LYST: variants seen among roughly 807,000 people sequenced by gnomAD.
LYST encodes the protein lysosomal-trafficking regulator.
A neutral mutation model predicts 413.6 loss-of-function variants in LYST; 192 were observed. That is an observed-to-expected ratio of 0.46 (90% CI 0.41 to 0.52). The LOEUF is 0.52. Ranked by LOEUF, LYST falls within the 20% of genes least tolerant of loss-of-function variation. The pLI is 0.00. For missense variants in LYST, 3,815 were observed against 4,499.9 expected, an observed-to-expected ratio of 0.85 and a Z score of 4.35; for synonymous variants, 1,525 against 1,567.3, an observed-to-expected ratio of 0.97 and a Z score of 0.64.
At chr1:235,716,091 A>G (rs1192564400) in intron 41 of LYST, among the ~76,000 whole-genome samples, 2 of 152,206 alleles carry the variant, frequency 1.3e-5, no homozygotes, top group Non-Finnish European at 2.9e-5. Context: ...TGACAGTCAT[A>G]AGATGCTTAG....
chr1:235,777,961 C>A (rs559206402), intron 16 of LYST, among the ~76,000 whole-genome samples: 1 of 151,622 alleles, frequency 6.6e-6, no homozygotes, highest in African/African-American at 2.4e-5. Context: ...CTTGCTCTGG[C>A]ACCCAGGCTG....
intron 14 of LYST, among the ~76,000 whole-genome samples, chr1:235,782,656 C>T (rs1257550795): frequency 6.6e-6 from 1 of 152,152 alleles, no homozygotes; most frequent in African/African-American, 2.4e-5. Flanking sequence ...TGCAAGTTTT[C>T]TTTGCCATTT....
At chr1:235,695,718 C>T (rs962933243) in intron 46 of LYST, among the ~76,000 whole-genome samples, 60 of 150,112 alleles carry the variant, frequency 4.0e-4, no homozygotes, top group African/African-American at 1.2e-3. Context: ...CTGCAAGCTC[C>T]GCCTCATGGG....
intron 47 of LYST, among the ~76,000 whole-genome samples, chr1:235,691,837 A>G (rs1379138828): frequency 6.6e-6 from 1 of 151,060 alleles, no homozygotes; most frequent in Non-Finnish European, 1.5e-5. Flanking sequence ...GCTGGGATTT[A>G]CAGGTGCCCA....
intron 13 of LYST, among the ~76,000 whole-genome samples, chr1:235,788,253 A>G (rs1670634032): frequency 6.6e-6 from 1 of 152,256 alleles, no homozygotes; most frequent in African/African-American, 2.4e-5. Flanking sequence ...TCTGCCTCCC[A>G]GATTCAAGTG....
At position 235,689,020 on chromosome 1, in the gene LYST, T is replaced by C. The variant is rs1055434829; in HGVS notation, c.10702-1973A>G. 9.0e-3 allele frequency among the ~76,000 whole-genome samples: 1,191 copies of C among 131,866 alleles called. 20 individuals carry two copies. The highest frequency in any genetic ancestry group is 0.034 in the African/African-American group (1,134 of 33,094). 86.5% of individuals were successfully genotyped at this position (131,866 alleles called of 152,430 possible). On this transcript the variant is annotated intron_variant, in intron 47 of 52. Coordinates refer to ENST00000389793, the MANE Select transcript of LYST (RefSeq NM_000081.4). ...ATAATAATAATAATAATAATAATAA[T>C]AATAATAACAACAACAACAACAACA...
chr1:235,746,472 T>C lies in LYST; in HGVS notation c.7836A>G (p.Ser2612=), dbSNP rs886046174. The C allele has an allele frequency of 8.7e-6, 14 of 1,613,904 alleles. No individual in the cohort carries two copies. Among genetic ancestry groups the C allele is most frequent in the Non-Finnish European group, 1.1e-5 (13 of 1,179,896 alleles). ...TCACATGAAGCTCATCATTTGCCAC[T>C]GAACGCATTTTCATCAGAAGCGATT... ...QTESLLMKMR[S]VANDELHVMM... is the part of the protein sequence containing the mutation. Residue 2612 remains serine, a synonymous_variant, in exon 29 of 53, where the codon TCA becomes TCG. Transcript: ENST00000389793.
intron 1 of LYST, among the ~76,000 whole-genome samples, chr1:235,876,996 C>T (rs746683443): frequency 3.3e-5 from 5 of 152,206 alleles, no homozygotes; most frequent in Non-Finnish European, 7.3e-5. Context: ...GAACAGGTGA[C>T]TGTAAGCACA....
intron 16 of LYST, among the ~76,000 whole-genome samples, chr1:235,778,469 G>A (rs1669535129): frequency 6.6e-6 from 1 of 151,896 alleles, no homozygotes; most frequent in South Asian, 2.1e-4. Context: ...CTGCCTCCCG[G>A]GTTCAAGCAA....
chr1:235,728,520 G>C (rs1355489127), intron 37 of LYST, among the ~76,000 whole-genome samples: 3 of 152,120 alleles, frequency 2.0e-5, no homozygotes, highest in African/African-American at 7.2e-5. Context: ...AAGTCAAGTG[G>C]TAAACCAAAT....
Position 235,806,222 on chromosome 1 carries a change from T to C in LYST, c.2914A>G (p.Met972Val). 6.2e-7 allele frequency: 1 copy of C among 1,613,960 alleles called. No homozygotes were observed. ...DIWSMCRWIY[M>V]LSSVFQKQFY... The stretch of plus-strand genomic sequence containing the variant: ...TGTTTCTGGAACACTGAACTCAACA[T>C]GTAGATCCAACGACACATAGACCAA... Residue 972 changes from methionine to valine, a missense_variant, in exon 6 of 53, where the codon ATG becomes GTG. Physicochemically the swap from Met to Val is conservative, Grantham distance 21 (BLOSUM62 1). Transcript: ENST00000389793.
chr1:235,759,082 T>C lies in LYST; in HGVS notation c.6771A>G (p.Ala2257=). ...CAAGACTTGGCCAACGGCCAACAGC[T>C]GCAGATCCGTTCTGTGAAGGAAAAG... ...GLAFPSQNGS[A]AVGRWPSLVD... Residue 2257 remains alanine, a synonymous_variant, in exon 23 of 53, where the codon GCA becomes GCG. Transcript: ENST00000389793. 1.2e-6 allele frequency: 2 copies of C among 1,614,176 alleles called. No individual in the cohort carries two copies. The highest frequency in any genetic ancestry group is 8.5e-7 in the Non-Finnish European group (1 of 1,180,010).
In LYST at chr1:235,758,977, A is replaced by G; in HGVS notation, c.6876T>C (p.Ala2292=). 6.2e-7 allele frequency: 1 copy of G among 1,613,936 alleles called. No individual in the cohort carries two copies. The highest frequency in any genetic ancestry group is 1.1e-5 in the South Asian group (1 of 91,066). The change falls in exon 23 of 53, where the codon GCT becomes GCC. Residue 2292 remains alanine (A), a synonymous_variant. Coordinates refer to ENST00000389793, the MANE Select transcript of LYST (RefSeq NM_000081.4). The part of the protein sequence containing the change: ...YEPNYNRTAS[A]HSVTEDCLVP... Reference sequence around the variant, plus strand: ...GTACAAAAACACATAAGTACCTGTGAGCACTTGCAGTTCGGTTGTAATTTG... The same window carrying G: ...GTACAAAAACACATAAGTACCTGTGGGCACTTGCAGTTCGGTTGTAATTTG...
At chr1:235,705,960 T>G (rs1016706671) in intron 44 of LYST, among the ~76,000 whole-genome samples, 6 of 152,050 alleles carry the variant, frequency 3.9e-5, no homozygotes, top group African/African-American at 1.4e-4. Flanking sequence ...ACCCAGCTAA[T>G]TTTTGTATTT....
chr1:235,725,467 A>T (rs1349067849), intron 38 of LYST, among the ~76,000 whole-genome samples: 1 of 151,928 alleles, frequency 6.6e-6, no homozygotes, highest in Non-Finnish European at 1.5e-5. Flanking sequence ...AAAAATAAAG[A>T]GGATTAACCA....
chr1:235,837,345 C>G (rs1159169306), intron 1 of LYST, among the ~76,000 whole-genome samples: 2 of 152,050 alleles, frequency 1.3e-5, no homozygotes, highest in Non-Finnish European at 2.9e-5. Context: ...TGAGAGAAAG[C>G]TGGCGGGTGC....
chr1:235,679,926 T>G (rs906421341), intron 48 of LYST, among the ~76,000 whole-genome samples: 1 of 152,150 alleles, frequency 6.6e-6, no homozygotes, highest in African/African-American at 2.4e-5. Context: ...TTCCTGCTTA[T>G]TTACCTCTCT....
chr1:235,793,535 A>C lies in LYST; in HGVS notation c.4084T>G (p.Leu1362Val). Residue 1362 changes from leucine (L) to valine (V), a missense_variant, in exon 11 of 53, where the codon TTG (leucine) becomes GTG (valine). Transcript: ENST00000389793. The stretch of plus-strand genomic sequence containing the variant: ...GGAGATTTCTCCAGAAATATTCTCA[A>C]AAGAAGGGTTAGCTCTTCTGAACAT... ...RTCSEELTLL[L>V]RIFLEKSPCT... 1.3e-6 allele frequency: 2 copies of C among 1,587,306 alleles called. No individual in the cohort carries two copies. The highest frequency in any genetic ancestry group is 1.7e-5 in the Admixed American group (1 of 59,504).
Position 235,661,288 on chromosome 1 carries a change from T to C in LYST, c.*1652A>G, listed in dbSNP as rs565009499. ...TTTTCTCTTTAGATAAATGATGAAATTCGGTTTTTAAAAAAAGATGAGTAG... is the reference window on the plus strand; with the variant it reads ...TTTTCTCTTTAGATAAATGATGAAACTCGGTTTTTAAAAAAAGATGAGTAG... On this transcript the variant is annotated 3_prime_UTR_variant, in exon 53 of 53. Coordinates refer to ENST00000389793, the MANE Select transcript of LYST (RefSeq NM_000081.4). The C allele has an allele frequency of 1.3e-5, 2 of 152,710 alleles. No individual in the cohort carries two copies. The highest frequency in any genetic ancestry group is 4.8e-5 in the African/African-American group (2 of 41,574). The allele number at this position is 152,710 out of a possible 1,614,324, so 9.5% of individuals were successfully genotyped here.
Sources: allele counts gnomAD v4.1 joint callset (sites outside exome capture counted in the v4.1 genomes callset), GRCh38; gene constraint gnomAD v4.1.1; transcripts MANE v1.5; gene names NCBI Gene and HGNC (gene_info 2026-07-23, HGNC 2026-07-21).